Variants in ADAMTS6 observed in about 807,000 individuals in gnomAD.
The protein encoded by ADAMTS6 is A disintegrin and metalloproteinase with thrombospondin motifs 6.
Under a neutral mutation model 144.3 loss-of-function variants are expected in ADAMTS6, and 23 were observed. The ratio of observed to expected loss-of-function variants is 0.16; its 90% CI spans 0.11 to 0.23. The LOEUF is 0.23. ADAMTS6 is among the 10% of genes least tolerant of loss of function. The pLI, the probability that ADAMTS6 is intolerant of heterozygous loss-of-function variation, is 1.00. For synonymous variants in ADAMTS6, 444 were observed against 457.5 expected (o/e 0.97, Z 0.38); for missense variants, 999 against 1,379.6 (o/e 0.72, Z 4.37).
At chr5:65,479,355 CCAAAACATATCTAT>C (rs1359153561) in intron 1 of ADAMTS6, among the ~76,000 whole-genome samples, 4 of 152,078 alleles carry the variant, frequency 2.6e-5, no homozygotes, top group Non-Finnish European at 5.9e-5. Context: ...CATAAATTAC[CCAAAACATATCTAT>C]CAAGCAAATG....
At chr5:65,295,867 ATTCTAC>A (rs939419695) in intron 10 of ADAMTS6, among the ~76,000 whole-genome samples, 2 of 152,112 alleles carry the variant, frequency 1.3e-5, no homozygotes, top group African/African-American at 4.8e-5. Context: ...TATTTTATGA[ATTCTAC>A]TTCTAATTTA....
intron 20 of ADAMTS6, among the ~76,000 whole-genome samples, chr5:65,204,836 T>C (rs1231993379): frequency 6.6e-6 from 1 of 152,180 alleles, no homozygotes; most frequent in Non-Finnish European, 1.5e-5. Context: ...TTTCAAAAAA[T>C]AATAGTACAT....
chr5:65,393,791 A>T (rs1407413632), intron 7 of ADAMTS6, among the ~76,000 whole-genome samples: 1 of 152,184 alleles, frequency 6.6e-6, no homozygotes, highest in Non-Finnish European at 1.5e-5. Context: ...TTTTCATTGT[A>T]TGTGTAAAAC....
chr5:65,467,750 A>G (rs1473422645), intron 3 of ADAMTS6, among the ~76,000 whole-genome samples: 2 of 152,206 alleles, frequency 1.3e-5, no homozygotes, highest in Non-Finnish European at 2.9e-5. Context: ...TTTACTTTCC[A>G]GTCGCTGTTC....
intron 9 of ADAMTS6, among the ~76,000 whole-genome samples, chr5:65,308,983 C>T (rs2047071): frequency 0.29 from 44,422 of 151,858 alleles, 6,734 homozygotes; most frequent in Admixed American, 0.37. Context: ...AAAACAGCAA[C>T]GGGACAATAT....
At chr5:65,235,166 G>A (rs879894513) in intron 15 of ADAMTS6, among the ~76,000 whole-genome samples, 3 of 152,090 alleles carry the variant, frequency 2.0e-5, no homozygotes, top group Non-Finnish European at 2.9e-5. Context: ...TAAGAATAAT[G>A]TATAGTATAC....
chr5:65,461,303 G>T (rs1308171592), intron 3 of ADAMTS6, among the ~76,000 whole-genome samples: 1 of 152,066 alleles, frequency 6.6e-6, no homozygotes. Flanking sequence ...TTTAAAGTTG[G>T]TATAAGTTTT....
intron 15 of ADAMTS6, among the ~76,000 whole-genome samples, chr5:65,232,357 CA>C (rs1248597787): frequency 6.6e-6 from 1 of 151,712 alleles, no homozygotes; most frequent in African/African-American, 2.4e-5. Flanking sequence ...AAGGAAATAA[CA>C]AAGCTCAGGG....
At chr5:65,225,132 G>T in intron 16 of ADAMTS6, 85 bp from the exon 17 acceptor site, 1 of 1,349,138 alleles carries the variant, frequency 7.4e-7, no homozygotes, top group Non-Finnish European at 9.8e-7. Context: ...TTATTTATTT[G>T]CTTGTTTTTC....
In ADAMTS6 at chr5:65,197,121, C is replaced by A. The variant is rs202153142; in HGVS notation, c.2606G>T (p.Arg869Met). Residue 869 changes from arginine (R) to methionine (M), a missense_variant, in exon 21 of 25, where the codon AGG becomes ATG. Arg to Met is a moderately conservative substitution (Grantham distance 91). Transcript: ENST00000381055. ...CTGGACAATGGAGTTGTCATCCAACCTTTTACAGACCACCTCCTGTCTTTG... is the reference window on the plus strand; with the variant it reads ...CTGGACAATGGAGTTGTCATCCAACATTTTACAGACCACCTCCTGTCTTTG... ...GVQRQEVVCKRLDDNSIVQNN... is the reference protein window; with the variant it reads ...GVQRQEVVCKMLDDNSIVQNN... 5.6e-6 allele frequency: 9 copies of A among 1,613,848 alleles called. No homozygotes were observed. The Admixed American group carries it at 6.7e-5, about 12-fold the overall frequency.
chr5:65,274,157 AAC>A (rs1243907282), intron 11 of ADAMTS6, among the ~76,000 whole-genome samples: 1 of 152,152 alleles, frequency 6.6e-6, no homozygotes, highest in African/African-American at 2.4e-5. Context: ...GGAAAATTAC[AAC>A]ACTTATTCTA....
chr5:65,286,215 G>A (rs578090201), intron 11 of ADAMTS6, among the ~76,000 whole-genome samples: 147 of 152,236 alleles, frequency 9.7e-4, no homozygotes, highest in South Asian at 9.3e-3. Flanking sequence ...GAACAACCTG[G>A]CTGCTGTTCG....
In ADAMTS6 at chr5:65,452,717, A is replaced by G; in HGVS notation, c.833T>C (p.Val278Ala). Residue 278 changes from valine (V) to alanine (A), a missense_variant, in exon 5 of 25, where the codon GTG (valine) becomes GCG (alanine). Val to Ala is a moderately conservative substitution (Grantham distance 64, BLOSUM62 0). This residue lies in a region of ADAMTS6 where 128 missense variants were observed against 249.0 expected (regional missense o/e 0.51). Coordinates refer to ENST00000381055, the MANE Select transcript of ADAMTS6 (RefSeq NM_197941.4). ...AGGGATCAAACTTACAATATTCATC[A>G]CACTCAAAATGTAATGTTCAATGTC... is the stretch of plus-strand genomic sequence containing the variant. ...RKDIEHYILS[V>A]MNIVAKLYRD... 6.2e-7 allele frequency: 1 copy of G among 1,614,052 alleles called. No homozygotes were observed. The highest frequency in any genetic ancestry group is 8.5e-7 in the Non-Finnish European group (1 of 1,179,924).
rs114420162 is a variant in ADAMTS6, at chr5:65,411,901, A to T, written c.1073+39574T>A. On this transcript the variant is annotated intron_variant, in intron 7 of 24. Transcript: ENST00000381055. ...AGAAGTAGGGAATTAGAAATGCCAT[A>T]CTATGTATCCCATGAAGTCTTCTAC... Among the ~76,000 whole-genome samples the T allele has an allele frequency of 8.0e-4, 122 of 152,306 alleles. 1 individual carries two copies. Among genetic ancestry groups the T allele is most frequent in the African/African-American group, 2.8e-3 (117 of 41,568 alleles).
At chr5:65,212,743 G>A (rs1391688412) in intron 20 of ADAMTS6, among the ~76,000 whole-genome samples, 1 of 152,130 alleles carries the variant, frequency 6.6e-6, no homozygotes, top group Non-Finnish European at 1.5e-5. Flanking sequence ...GTACAAAGAT[G>A]AAGCGGCTCT....
intron 14 of ADAMTS6, among the ~76,000 whole-genome samples, chr5:65,248,042 C>T (rs1179277518): frequency 1.3e-5 from 2 of 152,092 alleles, no homozygotes; most frequent in African/African-American, 2.4e-5. Flanking sequence ...ATGTGTTCAC[C>T]CAGATGGGCA....
At chr5:65,424,802 T>C (rs946293439) in intron 7 of ADAMTS6, among the ~76,000 whole-genome samples, 1 of 152,362 alleles carries the variant, frequency 6.6e-6, no homozygotes, top group Non-Finnish European at 1.5e-5. Flanking sequence ...TTATTTATCC[T>C]GGCTTTTTAA....
intron 14 of ADAMTS6, among the ~76,000 whole-genome samples, chr5:65,249,802 T>C (rs1759991785): frequency 6.6e-6 from 1 of 152,200 alleles, no homozygotes; most frequent in Non-Finnish European, 1.5e-5. Flanking sequence ...TATAACACTG[T>C]TCATCAATGG....
intron 7 of ADAMTS6, among the ~76,000 whole-genome samples, chr5:65,407,247 T>A (rs1009541273): frequency 6.6e-6 from 1 of 151,942 alleles, no homozygotes; most frequent in Non-Finnish European, 1.5e-5. Context: ...AAGGTCGGGT[T>A]ACCCACAAAG....
Sources: allele counts gnomAD v4.1 joint callset (sites outside exome capture counted in the v4.1 genomes callset), GRCh38; gene constraint gnomAD v4.1.1; regional missense constraint gnomAD v4.1.1; transcripts MANE v1.5; gene names NCBI Gene and HGNC (gene_info 2026-07-23, HGNC 2026-07-21).